PLEKHA7: variants seen among roughly 807,000 people sequenced by gnomAD.
PLEKHA7 encodes the protein pleckstrin homology domain-containing family A member 7.
A neutral mutation model predicts 170.0 loss-of-function variants in PLEKHA7; 104 were observed. The observed-to-expected ratio is 0.61, with a 90% CI of 0.52 to 0.72. The LOEUF (loss-of-function observed/expected upper bound fraction) is 0.72, where lower values mean the gene tolerates loss of function less well. PLEKHA7 is among the 30% of genes least tolerant of loss of function. The probability of loss-of-function intolerance (pLI) is 0.00; values close to 1 mark genes in which losing one functional copy is unlikely to be tolerated. For synonymous variants in PLEKHA7, 648 were observed against 660.8 expected (o/e 0.98, Z 0.30); for missense variants, 1,615 against 1,671.7 (o/e 0.97, Z 0.59).
rs1849817881 is a variant in PLEKHA7, at chr11:16,817,073, C to G, written c.1593G>C (p.Gln531His). ...WQLYEWQQRQ[Q>H]FRHGSPTAPI... The stretch of plus-strand genomic sequence containing the variant: ...GCGCTGTGGGGCTGCCGTGCCGGAA[C>G]TGCTGGCGCTGCTGCCACTCGTAGA... The change falls in exon 11 of 27, where the codon CAG becomes CAC. Residue 531 changes from glutamine to histidine, a missense_variant. Transcript: ENST00000531066. The surrounding 1 kb of genome is among the most constrained non-coding windows in gnomAD (Gnocchi z 4.4). 1.2e-6 allele frequency: 2 copies of G among 1,612,414 alleles called. No individual in the cohort carries two copies. Among genetic ancestry groups the G allele is most frequent in the African/African-American group, 2.7e-5 (2 of 74,928 alleles).
At chr11:16,794,350 G>T in intron 19 of PLEKHA7, 138 bp downstream of exon 19, 1 of 800,384 alleles carries the variant, frequency 1.2e-6, no homozygotes, top group Non-Finnish European at 2.1e-6. Context: ...CTTTTTAACT[G>T]CTTGTGACTA....
intron 23 of PLEKHA7, chr11:16,787,751 G>A (rs1034640068): frequency 1.3e-5 from 2 of 152,132 alleles, no homozygotes; most frequent in African/African-American, 2.4e-5. Context: ...TTCAAGTTAC[G>A]ATTTTTAGAT....
intron 3 of PLEKHA7, among the ~76,000 whole-genome samples, chr11:17,009,633 A>ATTTG (rs1865206765): frequency 6.6e-6 from 1 of 151,584 alleles, no homozygotes; most frequent in Admixed American, 6.6e-5. Flanking sequence ...CGTTTTATTT[A>ATTTG]TTTATTTATT....
At chr11:16,957,564 A>G (rs2136565078) in intron 3 of PLEKHA7, among the ~76,000 whole-genome samples, 1 of 152,276 alleles carries the variant, frequency 6.6e-6, no homozygotes, top group East Asian at 1.9e-4. Flanking sequence ...TTTACCTTGG[A>G]GTGATGGGAC....
intron 4 of PLEKHA7, among the ~76,000 whole-genome samples, chr11:16,857,120 C>A (rs1248806865): frequency 6.6e-6 from 1 of 152,222 alleles, no homozygotes; most frequent in African/African-American, 2.4e-5. Context: ...TCTTCGAAGA[C>A]CCTGCTGCTC....
rs1432301574 is a variant in PLEKHA7, at chr11:16,871,151, G to A, written c.253C>T (p.Pro85Ser). ...HNQQTTAFRH[P>S]VTGQFSPENS... ...TCTGGAGAAAACTGTCCCGTCACAG[G>A]ATGCCTGAATGCTGTGGTCTGCTGG... The change falls in exon 4 of 27, where the codon CCT (proline) becomes TCT (serine). Residue 85 changes from proline to serine, a missense_variant. Physicochemically the swap from Pro to Ser is moderately conservative, Grantham distance 74. Coordinates refer to ENST00000531066, the MANE Select transcript of PLEKHA7 (RefSeq NM_001329630.2). 3.1e-6 allele frequency: 5 copies of A among 1,609,846 alleles called. No individual in the cohort carries two copies. The highest frequency in any genetic ancestry group is 3.3e-4 in the Middle Eastern group (2 of 6,052).
At chr11:16,859,878 C>A (rs957555776) in intron 4 of PLEKHA7, among the ~76,000 whole-genome samples, 1 of 152,242 alleles carries the variant, frequency 6.6e-6, no homozygotes, top group African/African-American at 2.4e-5. Flanking sequence ...AACCTGCACA[C>A]GCAGACTGCT....
chr11:16,964,730 C>G lies in PLEKHA7; in HGVS notation c.221+49259G>C, dbSNP rs541853366. Among the ~76,000 whole-genome samples the G allele has an allele frequency of 2.6e-5, 4 of 152,316 alleles. No individual in the cohort carries two copies. The South Asian group carries it at 8.3e-4, about 32-fold the overall frequency. ...TTGGAGGTCCAGCCAGCTGTGCGCT[C>G]TCTTACAGGGCACTGCGCTGCAGTA... On this transcript the variant is annotated intron_variant, in intron 3 of 26. Transcript: ENST00000531066.
chr11:16,978,565 T>C (rs1424115317), intron 3 of PLEKHA7, among the ~76,000 whole-genome samples: 1 of 152,250 alleles, frequency 6.6e-6, no homozygotes, highest in East Asian at 1.9e-4. Flanking sequence ...TTGCTGTATT[T>C]AGAAAAACAG....
intron 5 of PLEKHA7, 66 bp downstream of exon 5, chr11:16,855,737 T>C: frequency 8.3e-7 from 1 of 1,204,706 alleles, no homozygotes; most frequent in Admixed American, 2.0e-5. Context: ...AATGGACTTC[T>C]GGTTACAAAG....
At position 16,805,783 on chromosome 11, in the gene PLEKHA7, C is replaced by T. The variant is rs1387986389; in HGVS notation, c.2008-2488G>A. 1.6e-4 allele frequency among the ~76,000 whole-genome samples: 19 copies of T among 116,492 alleles called. No homozygotes were observed. The East Asian group carries it at 4.2e-3, about 26-fold the overall frequency. The allele number at this position is 116,492 out of a possible 152,430, so 76.4% of individuals were successfully genotyped here. A position where few individuals can be genotyped will look rare whatever the true frequency, so the allele number is the denominator to read the frequency against. ...CCAGCCTGGGTGACAGAGCGAGACT[C>T]CATGTCAAAAAAAAAAAAAAAAAAC... On this transcript the variant is annotated intron_variant, in intron 13 of 26. Coordinates refer to ENST00000531066, the MANE Select transcript of PLEKHA7 (RefSeq NM_001329630.2).
At chr11:17,005,181 AT>A (rs1864911165) in intron 3 of PLEKHA7, among the ~76,000 whole-genome samples, 1 of 152,122 alleles carries the variant, frequency 6.6e-6, no homozygotes, top group Non-Finnish European at 1.5e-5. Context: ...TGCTGTCTTA[AT>A]TTTTTTCCAA....
rs1858065575 is a variant in PLEKHA7 at position 16,909,059 on chromosome 11, T to A, written c.222-37877A>T. On this transcript the variant is annotated intron_variant, in intron 3 of 26. Coordinates refer to ENST00000531066, the MANE Select transcript of PLEKHA7 (RefSeq NM_001329630.2). ...TTAACCTGTTTCCTCATTTACAAAA[T>A]GGAGAAAATTACAGTACCATCTTTG... is the stretch of plus-strand genomic sequence containing the variant. Among the ~76,000 whole-genome samples, 9 of 152,306 alleles carry A rather than the reference T, an allele frequency of 5.9e-5. 1 individual carries two copies. In the South Asian group the frequency reaches 1.9e-3, roughly 32 times the overall value.
intron 3 of PLEKHA7, among the ~76,000 whole-genome samples, chr11:16,961,776 A>G (rs1454143694): frequency 6.6e-6 from 1 of 152,216 alleles, no homozygotes; most frequent in African/African-American, 2.4e-5. Context: ...TGGTCCTGAG[A>G]TGAAATTCAG....
chr11:16,900,470 C>G (rs543498988), intron 3 of PLEKHA7, among the ~76,000 whole-genome samples: 19 of 152,180 alleles, frequency 1.2e-4, no homozygotes, highest in Non-Finnish European at 1.9e-4. Context: ...AGCAATTATA[C>G]TTGGACAATA....
At chr11:16,964,328 T>A (rs1254713598) in intron 3 of PLEKHA7, among the ~76,000 whole-genome samples, 1 of 152,256 alleles carries the variant, frequency 6.6e-6, no homozygotes, top group East Asian at 1.9e-4. Context: ...TTTGGGTATA[T>A]ACCTAGACAT....
Position 16,794,411 on chromosome 11 carries a change from A to G in PLEKHA7, c.2745+77T>C, listed in dbSNP as rs138218221. ...GTCCATTTCCCCAAGTTTTCCCAGG[A>G]GTTTCTCTCCCAGGAGAAGGTAATC... On this transcript the variant is annotated intron_variant, in intron 19 of 26. Transcript: ENST00000531066. 1.0e-3 allele frequency: 1,467 copies of G among 1,425,408 alleles called. 9 individuals are homozygous for G. The African/African-American group carries it at 0.018, about 18-fold the overall frequency. 88.3% of individuals were successfully genotyped at this position (1,425,408 alleles called of 1,614,324 possible).
At chr11:16,815,516 A>G (rs1360438543) in intron 12 of PLEKHA7, among the ~76,000 whole-genome samples, 1 of 152,158 alleles carries the variant, frequency 6.6e-6, no homozygotes, top group East Asian at 1.9e-4. Context: ...AACCTCACCC[A>G]GACTCAAGCT....
chr11:16,951,451 C>T (rs1206864170), intron 3 of PLEKHA7, among the ~76,000 whole-genome samples: 1 of 152,166 alleles, frequency 6.6e-6, no homozygotes, highest in Non-Finnish European at 1.5e-5. Flanking sequence ...AGTGATTTAC[C>T]TGGATTGTCT....
Sources: allele counts gnomAD v4.1 joint callset (sites outside exome capture counted in the v4.1 genomes callset), GRCh38; gene constraint gnomAD v4.1.1; non-coding constraint Gnocchi (gnomAD v3.1); transcripts MANE v1.5; gene names NCBI Gene and HGNC (gene_info 2026-07-23, HGNC 2026-07-21).